INSIG2: variants seen among roughly 807,000 people sequenced by gnomAD.
INSIG2 encodes the protein insulin-induced gene 2 protein.
A neutral mutation model predicts 27.2 loss-of-function variants in INSIG2; 10 were observed. The observed-to-expected ratio is 0.37, with a 90% confidence interval of 0.23 to 0.62. The LOEUF (loss-of-function observed/expected upper bound fraction) is 0.62. Among genes scored for constraint, INSIG2 ranks in the 20% least tolerant of loss-of-function variants. The pLI, the probability that INSIG2 is intolerant of heterozygous loss-of-function variation, is 0.65. For missense variants in INSIG2, 178 were observed against 270.2 expected, an observed-to-expected ratio of 0.66 and a Z score of 2.39; for synonymous variants, 97 against 95.8, an observed-to-expected ratio of 1.01 and a Z score of -0.07.
At chr2:118,094,133 C>T (rs1176984733) in intron 1 of INSIG2, among the ~76,000 whole-genome samples, 2 of 135,338 alleles carry the variant, frequency 1.5e-5, no homozygotes, top group Non-Finnish European at 3.1e-5. Flanking sequence ...GAGGAGAGTT[C>T]TGTAGCTACT....
At chr2:118,089,784 A>G (rs1558830720) in intron 1 of INSIG2, among the ~76,000 whole-genome samples, 1 of 152,248 alleles carries the variant, frequency 6.6e-6, no homozygotes, top group Non-Finnish European at 1.5e-5. Context: ...AGATGGTCAC[A>G]CGGAAAAGGA....
Position 118,110,270 on chromosome 2 carries a change from A to C in INSIG2, c.*1948A>C, listed in dbSNP as rs1443902290. ...CCTACTCTTGATGGGAAGCCTTACC[A>C]ATAAGAAACAGTTGATGAACACATA... On this transcript the variant is annotated 3_prime_UTR_variant, in exon 6 of 6. Coordinates refer to ENST00000245787, the MANE Select transcript of INSIG2 (RefSeq NM_016133.4). 2 of 152,248 alleles carry C rather than the reference A, an allele frequency of 1.3e-5. No individual in the cohort carries two copies. The highest frequency in any genetic ancestry group is 4.8e-5 in the African/African-American group (2 of 41,470). The allele number at this position is 152,248 out of a possible 1,614,324, so 9.4% of individuals were successfully genotyped here. A position where few individuals can be genotyped will look rare whatever the true frequency, so the allele number is the denominator to read the frequency against.
Position 118,107,180 on chromosome 2 carries a change from A to G in INSIG2, c.627A>G (p.Gln209=), listed in dbSNP as rs17047763. 3.9e-3 allele frequency: 6,215 copies of G among 1,608,662 alleles called. 152 individuals are homozygous for G. In the African/African-American group the frequency reaches 0.061, roughly 16 times the overall value. The change falls in exon 5 of 6, where the codon CAA becomes CAG. Residue 209 remains glutamine, a synonymous_variant. Coordinates refer to ENST00000245787, the MANE Select transcript of INSIG2 (RefSeq NM_016133.4). Reference sequence around the variant, plus strand: ...TAACAATGGGAAACATTGGTCGACAACTGGCAATGGTAAGCTGATGCTCAC... The same window carrying G: ...TAACAATGGGAAACATTGGTCGACAGCTGGCAATGGTAAGCTGATGCTCAC... ...GGITMGNIGR[Q]LAMYECKVIA...
intron 2 of INSIG2, 47 bp downstream of exon 2, chr2:118,096,847 A>G (rs1232781907): frequency 1.3e-6 from 2 of 1,587,702 alleles, no homozygotes; most frequent in African/African-American, 2.7e-5. Flanking sequence ...AATAGGGTAA[A>G]TGAGTATGGA....
rs1678782207 is a variant in INSIG2 at position 118,110,322 on chromosome 2, T to A, written c.*2000T>A. On this transcript the variant is annotated 3_prime_UTR_variant, in exon 6 of 6. Coordinates refer to ENST00000245787, the MANE Select transcript of INSIG2 (RefSeq NM_016133.4). ...TGTGTATGGTATATGTATTATATAC[T>A]GTTTTCTTACAATAGTGTAAGCTAA... 1 of 152,242 alleles carries A rather than the reference T, an allele frequency of 6.6e-6. No homozygotes were observed. Among genetic ancestry groups the A allele is most frequent in the African/African-American group, 2.4e-5 (1 of 41,458 alleles). 9.4% of individuals were successfully genotyped at this position (152,242 alleles called of 1,614,324 possible). A position where few individuals can be genotyped will look rare whatever the true frequency, so the allele number is the denominator to read the frequency against.
chr2:118,103,131 C>A (rs1027448162), intron 2 of INSIG2, 66 bp from the exon 3 acceptor site: 6 of 1,221,632 alleles, frequency 4.9e-6, no homozygotes, highest in African/African-American at 1.6e-5. Flanking sequence ...TGTAGTGATT[C>A]TTTTAGCTTA....
chr2:118,098,342 G>A (rs1298926734), intron 2 of INSIG2, among the ~76,000 whole-genome samples: 1 of 152,178 alleles, frequency 6.6e-6, no homozygotes, highest in Non-Finnish European at 1.5e-5. Flanking sequence ...GTAATCCCAG[G>A]GTTCTGTAGA....
chr2:118,096,769 G>T lies in INSIG2; in HGVS notation c.213G>T (p.Trp71Cys). The change falls in exon 2 of 6, where the codon TGG becomes TGT. Residue 71 changes from tryptophan to cysteine, a missense_variant. Physicochemically the swap from Trp to Cys is radical, Grantham distance 215 (BLOSUM62 -2). Coordinates refer to ENST00000245787, the MANE Select transcript of INSIG2 (RefSeq NM_016133.4). ...TTGCAAGCATCTTTTCTTCTGCATG[G>T]TGGGTACCCCCATGCTGTGGCACGG... ...DVIASIFSSA[W>C]WVPPCCGTAS... The T allele has an allele frequency of 6.2e-7, 1 of 1,613,744 alleles. No individual in the cohort carries two copies. Among genetic ancestry groups the T allele is most frequent in the Non-Finnish European group, 8.5e-7 (1 of 1,180,008 alleles).
intron 2 of INSIG2, among the ~76,000 whole-genome samples, chr2:118,098,767 T>C (rs539172564): frequency 6.6e-6 from 1 of 152,352 alleles, no homozygotes; most frequent in Admixed American, 6.5e-5. Context: ...ATACCACAGT[T>C]CAGCCACTAC....
At chr2:118,099,006 AT>A (rs1318354617) in intron 2 of INSIG2, among the ~76,000 whole-genome samples, 3 of 152,224 alleles carry the variant, frequency 2.0e-5, no homozygotes. Flanking sequence ...AGTGAAAGAT[AT>A]CAGATTTGTC....
chr2:118,107,181 C>T lies in INSIG2; in HGVS notation c.628C>T (p.Leu210=). 1 of 1,607,082 alleles carries T rather than the reference C, an allele frequency of 6.2e-7. No individual in the cohort carries two copies. Among genetic ancestry groups the T allele is most frequent in the Non-Finnish European group, 8.5e-7 (1 of 1,173,974 alleles). Residue 210 remains leucine (L), a synonymous_variant, in exon 5 of 6, where the codon CTG becomes TTG. Transcript: ENST00000245787. ...GITMGNIGRQ[L]AMYECKVIAE... ...AACAATGGGAAACATTGGTCGACAACTGGCAATGGTAAGCTGATGCTCACT... is the reference window on the plus strand; with the variant it reads ...AACAATGGGAAACATTGGTCGACAATTGGCAATGGTAAGCTGATGCTCACT...
At chr2:118,107,741 C>T (rs1307780117) in intron 5 of INSIG2, among the ~76,000 whole-genome samples, 4 of 152,198 alleles carry the variant, frequency 2.6e-5, no homozygotes, top group Non-Finnish European at 5.9e-5. Context: ...AACCAATTAT[C>T]TTACCCTGTT....
At position 118,107,187 on chromosome 2, in the gene INSIG2, A is replaced by G. The variant is rs747802502; in HGVS notation, c.634A>G (p.Met212Val). 1.9e-5 allele frequency: 31 copies of G among 1,601,172 alleles called. No homozygotes were observed. Among genetic ancestry groups the G allele is most frequent in the African/African-American group, 5.4e-5 (4 of 74,640 alleles). Residue 212 changes from methionine (M) to valine (V), a missense_variant and splice_region_variant, in exon 5 of 6, where the codon ATG (methionine) becomes GTG (valine). By Grantham distance (21) the Met-to-Val change is conservative. Coordinates refer to ENST00000245787, the MANE Select transcript of INSIG2 (RefSeq NM_016133.4). ...TMGNIGRQLA[M>V]YECKVIAEKS... ...GGGAAACATTGGTCGACAACTGGCA[A>G]TGGTAAGCTGATGCTCACTTTTCTG...
chr2:118,101,696 A>G (rs1678549467), intron 2 of INSIG2, among the ~76,000 whole-genome samples: 1 of 152,220 alleles, frequency 6.6e-6, no homozygotes, highest in Non-Finnish European at 1.5e-5. Flanking sequence ...ATTTGTATAG[A>G]AATTTTAAAA....
chr2:118,091,018 CAAGT>C (rs1678211967), intron 1 of INSIG2, among the ~76,000 whole-genome samples: 1 of 152,070 alleles, frequency 6.6e-6, no homozygotes, highest in Admixed American at 6.5e-5. Flanking sequence ...AATTATTTGT[CAAGT>C]AATCTAAATT....
chr2:118,089,290 G>A (rs1678169145), intron 1 of INSIG2, among the ~76,000 whole-genome samples: 3 of 152,130 alleles, frequency 2.0e-5, no homozygotes, highest in Non-Finnish European at 4.4e-5. Context: ...TTAGCTAGAT[G>A]CTCTAGGAAA....
chr2:118,096,772 G>T lies in INSIG2; in HGVS notation c.216G>T (p.Trp72Cys). The part of the protein sequence containing the change: ...VIASIFSSAW[W>C]VPPCCGTASA... ...CAAGCATCTTTTCTTCTGCATGGTGGGTACCCCCATGCTGTGGCACGGCTT... is the reference window on the plus strand; with the variant it reads ...CAAGCATCTTTTCTTCTGCATGGTGTGTACCCCCATGCTGTGGCACGGCTT... The change falls in exon 2 of 6, where the codon TGG (tryptophan) becomes TGT (cysteine). Residue 72 changes from tryptophan (W) to cysteine (C), a missense_variant. Coordinates refer to ENST00000245787, the MANE Select transcript of INSIG2 (RefSeq NM_016133.4). The T allele has an allele frequency of 6.2e-7, 1 of 1,613,628 alleles. No individual in the cohort carries two copies. The highest frequency in any genetic ancestry group is 8.5e-7 in the Non-Finnish European group (1 of 1,179,990).
chr2:118,096,391 T>C, intron 1 of INSIG2, 28 bp from the exon 2 acceptor site: 1 of 597,096 alleles, frequency 1.7e-6, no homozygotes, highest in South Asian at 2.3e-5. Flanking sequence ...TAGATACACA[T>C]TAATTTCTTT....
intron 2 of INSIG2, 34 bp from the exon 3 acceptor site, chr2:118,103,163 G>GAGGTAACTT: frequency 6.2e-7 from 1 of 1,601,338 alleles, no homozygotes; most frequent in Non-Finnish European, 8.5e-7. Context: ...TACAACATTG[G>GAGGTAACTT]AGGTAACTTA....
Sources: allele counts gnomAD v4.1 joint callset (sites outside exome capture counted in the v4.1 genomes callset), GRCh38; gene constraint gnomAD v4.1.1; transcripts MANE v1.5; gene names NCBI Gene and HGNC (gene_info 2026-07-23, HGNC 2026-07-21).